Variants in VCAN observed in about 807,000 individuals in gnomAD.
The protein encoded by VCAN is versican core protein.
Under a neutral mutation model 245.5 loss-of-function variants are expected in VCAN, and 44 were observed. The ratio of observed to expected loss-of-function variants is 0.18; its 90% CI spans 0.14 to 0.23. The LOEUF (loss-of-function observed/expected upper bound fraction) is 0.23. Among genes scored for constraint, VCAN ranks in the 10% least tolerant of loss-of-function variants. The probability of loss-of-function intolerance (pLI) is 1.00; values close to 1 mark genes in which losing one functional copy is unlikely to be tolerated. For missense variants in VCAN, 3,793 were observed against 4,057.9 expected (o/e 0.93, Z 1.77); for synonymous variants, 1,413 against 1,437.0 (o/e 0.98, Z 0.38).
chr5:83,500,123 T>C (rs541236701), intron 5 of VCAN, among the ~76,000 whole-genome samples: 2 of 152,190 alleles, frequency 1.3e-5, no homozygotes, highest in African/African-American at 4.8e-5. Flanking sequence ...TGAAGGTTAT[T>C]TAAGAATTAG....
In VCAN at chr5:83,548,920, T is replaced by G. The variant is rs114332017; in HGVS notation, c.9493+836T>G. ...GGTGTTAATCTGGATGTCACTGCGATGAATGCAAATCCAAAAGGAGCATGT... is the reference window on the plus strand; with the variant it reads ...GGTGTTAATCTGGATGTCACTGCGAGGAATGCAAATCCAAAAGGAGCATGT... On this transcript the variant is annotated intron_variant, in intron 10 of 14. Transcript: ENST00000265077. Among the ~76,000 whole-genome samples, 905 of 152,340 alleles carry G rather than the reference T, an allele frequency of 5.9e-3. 12 individuals are homozygous for G. The highest frequency in any genetic ancestry group is 0.021 in the African/African-American group (870 of 41,588).
At position 83,537,044 on chromosome 5, in the gene VCAN, A is replaced by G; in HGVS notation, c.4041A>G (p.Ile1347Met). Residue 1347 changes from isoleucine (I) to methionine (M), a missense_variant, in exon 8 of 15, where the codon ATA becomes ATG. This residue lies in a region of VCAN where 3,182 missense variants were observed against 3,250.3 expected (regional missense o/e 0.98). Coordinates refer to ENST00000265077, the MANE Select transcript of VCAN (RefSeq NM_004385.5). ...MSDLSVIGHP[I>M]DSESKEDEPC... The stretch of plus-strand genomic sequence containing the variant: ...ATTTGAGTGTAATTGGTCATCCAAT[A>G]GATTCAGAATCTAAAGAAGATGAAC... 4 of 1,609,134 alleles carry G rather than the reference A, an allele frequency of 2.5e-6. No individual in the cohort carries two copies. Among genetic ancestry groups the G allele is most frequent in the Non-Finnish European group, 3.4e-6 (4 of 1,177,932 alleles).
chr5:83,577,185 C>A (rs1263573684), intron 13 of VCAN, among the ~76,000 whole-genome samples: 1 of 152,042 alleles, frequency 6.6e-6, no homozygotes, highest in African/African-American at 2.4e-5. Flanking sequence ...TGGGGGAGGT[C>A]TTATGATTCA....
chr5:83,486,197 TG>T (rs1445111252), intron 2 of VCAN, among the ~76,000 whole-genome samples: 1 of 152,214 alleles, frequency 6.6e-6, no homozygotes, highest in African/African-American at 2.4e-5. Context: ...CCTGTGCTGT[TG>T]CAGATATAAT....
chr5:83,520,275 C>G lies in VCAN; in HGVS notation c.1969C>G (p.Pro657Ala). 1 of 1,613,942 alleles carries G rather than the reference C, an allele frequency of 6.2e-7. No homozygotes were observed. The highest frequency in any genetic ancestry group is 2.2e-5 in the East Asian group (1 of 44,864). Reference protein sequence around the residue: ...SQHRTEIELFPYSGDKILVEG... With the variant: ...SQHRTEIELFAYSGDKILVEG... ...GCATCGTACAGAAATAGAATTGTTTCCTTATTCTGGTGATAAAATATTAGT... is the reference window on the plus strand; with the variant it reads ...GCATCGTACAGAAATAGAATTGTTTGCTTATTCTGGTGATAAAATATTAGT... Residue 657 changes from proline to alanine, a missense_variant, in exon 7 of 15, where the codon CCT becomes GCT. Coordinates refer to ENST00000265077, the MANE Select transcript of VCAN (RefSeq NM_004385.5).
At chr5:83,498,851 C>T (rs1424606799) in intron 5 of VCAN, among the ~76,000 whole-genome samples, 1 of 152,164 alleles carries the variant, frequency 6.6e-6, no homozygotes, top group Non-Finnish European at 1.5e-5. Context: ...AACAGTTAAA[C>T]ACCATTGCCA....
chr5:83,541,036 G>A lies in VCAN; in HGVS notation c.8033G>A (p.Ser2678Asn). The change falls in exon 8 of 15, where the codon AGC becomes AAC. Residue 2678 changes from serine (S) to asparagine (N), a missense_variant. By Grantham distance (46) the Ser-to-Asn change is conservative. Transcript: ENST00000265077. ...FHFTTGIPAPSTETELDVLLP... is the reference protein window; with the variant it reads ...FHFTTGIPAPNTETELDVLLP... ...TTCACAACTGGGATCCCTGCTCCTA[G>A]CACAGAAACAGAATTAGACGTTTTA... The A allele has an allele frequency of 1.2e-6, 2 of 1,613,934 alleles. No individual in the cohort carries two copies. The highest frequency in any genetic ancestry group is 1.1e-5 in the South Asian group (1 of 91,070).
chr5:83,554,486 C>G (rs371607710), intron 11 of VCAN, among the ~76,000 whole-genome samples: 1 of 152,226 alleles, frequency 6.6e-6, no homozygotes, highest in South Asian at 2.1e-4. Context: ...ACTGTCTAAT[C>G]TAGGTGTTCA....
Position 83,539,231 on chromosome 5 carries a change from G to A in VCAN, c.6228G>A (p.Glu2076=). 1 of 1,614,024 alleles carries A rather than the reference G, an allele frequency of 6.2e-7. No homozygotes were observed. The highest frequency in any genetic ancestry group is 8.5e-7 in the Non-Finnish European group (1 of 1,179,984). ...GTACGAAAGCTCCAGTAGAGAAGGA[G>A]GAAGTAAAGGTCAGTGGCACAGTTT... ...VEGTKAPVEK[E]EVKVSGTVST... The change falls in exon 8 of 15, where the codon GAG becomes GAA. Residue 2076 remains glutamate (E), a synonymous_variant. Coordinates refer to ENST00000265077, the MANE Select transcript of VCAN (RefSeq NM_004385.5).
Position 83,539,245 on chromosome 5 carries a change from G to C in VCAN, c.6242G>C (p.Ser2081Thr), listed in dbSNP as rs752088160. ...APVEKEEVKVSGTVSTNFPQT... is the reference protein window; with the variant it reads ...APVEKEEVKVTGTVSTNFPQT... ...GTAGAGAAGGAGGAAGTAAAGGTCA[G>C]TGGCACAGTTTCAACAAACTTTCCC... The change falls in exon 8 of 15, where the codon AGT becomes ACT. Residue 2081 changes from serine (S) to threonine (T), a missense_variant. Physicochemically the swap from Ser to Thr is moderately conservative, Grantham distance 58 (BLOSUM62 1). This residue lies in a region of VCAN where 3,182 missense variants were observed against 3,250.3 expected (regional missense o/e 0.98). Transcript: ENST00000265077. The C allele has an allele frequency of 3.1e-6, 5 of 1,614,052 alleles. No individual in the cohort carries two copies. Among genetic ancestry groups the C allele is most frequent in the Non-Finnish European group, 3.4e-6 (4 of 1,179,972 alleles).
chr5:83,556,075 C>T (rs1004570701), intron 12 of VCAN, among the ~76,000 whole-genome samples: 1 of 152,192 alleles, frequency 6.6e-6, no homozygotes, highest in Admixed American at 6.5e-5. Context: ...AAGTTCTGCT[C>T]TGTCTTAAGA....
intron 1 of VCAN, among the ~76,000 whole-genome samples, chr5:83,477,403 GAATTATTCAATAA>G (rs1744428941): frequency 6.6e-6 from 1 of 152,094 alleles, no homozygotes; most frequent in South Asian, 2.1e-4. Context: ...TGGAAAGGAA[GAATTATTCAATAA>G]ATGGTTTCAG....
chr5:83,511,958 T>C (rs1458330070), intron 5 of VCAN, 145 bp from the exon 6 acceptor site: 20 of 975,750 alleles, frequency 2.0e-5, no homozygotes, highest in African/African-American at 3.3e-5. Flanking sequence ...CACCATTATC[T>C]TTTCTGCTTT....
In VCAN at chr5:83,539,548, C is replaced by T. The variant is rs2112445115; in HGVS notation, c.6545C>T (p.Thr2182Ile). 1.2e-6 allele frequency: 2 copies of T among 1,614,072 alleles called. No individual in the cohort carries two copies. The highest frequency in any genetic ancestry group is 4.5e-5 in the East Asian group (2 of 44,850). The stretch of plus-strand genomic sequence containing the variant: ...GACACTTCTTTAGTTAACATGTCTA[C>T]TCCAGATCCAGATGCAAATGGCTTG... ...EEDTSLVNMS[T>I]PDPDANGLES... Residue 2182 changes from threonine (T) to isoleucine (I), a missense_variant, in exon 8 of 15, where the codon ACT (threonine) becomes ATT (isoleucine). Transcript: ENST00000265077.
rs1335525495 is a variant in VCAN, at chr5:83,545,466, T to G, written c.9266-71T>G. 37 of 1,307,372 alleles carry G rather than the reference T, an allele frequency of 2.8e-5. No homozygotes were observed. In the Admixed American group the frequency reaches 6.0e-4, roughly 21 times the overall value. The allele number at this position is 1,307,372 out of a possible 1,614,324, so 81.0% of individuals were successfully genotyped here. A position where few individuals can be genotyped will look rare whatever the true frequency, so the allele number is the denominator to read the frequency against. On this transcript the variant is annotated intron_variant, in intron 8 of 14. Coordinates refer to ENST00000265077, the MANE Select transcript of VCAN (RefSeq NM_004385.5). ...TATAATATGGTAGCAATATGGGGCG[T>G]TTTATGCTAAAATACACGCAAACAT...
At chr5:83,565,033 G>A (rs1250116055) in intron 12 of VCAN, among the ~76,000 whole-genome samples, 1 of 152,146 alleles carries the variant, frequency 6.6e-6, no homozygotes, top group African/African-American at 2.4e-5. Context: ...GAGAGAGTTG[G>A]AAAGTAGGCC....
chr5:83,531,741 AG>A (rs1746529556), intron 7 of VCAN, among the ~76,000 whole-genome samples: 1 of 152,182 alleles, frequency 6.6e-6, no homozygotes, highest in Non-Finnish European at 1.5e-5. Context: ...GTCTGGTAAC[AG>A]TATGACTGGA....
chr5:83,523,196 G>T (rs534411297), intron 7 of VCAN, among the ~76,000 whole-genome samples: 1 of 152,124 alleles, frequency 6.6e-6, no homozygotes, highest in East Asian at 1.9e-4. Context: ...GTCTAAAGGT[G>T]AGCCCACACC....
chr5:83,538,974 A>G lies in VCAN; in HGVS notation c.5971A>G (p.Ser1991Gly), dbSNP rs755677118. ...SHISDSEGPS[S>G]TMVSTSAFPW... ...CATATCTGACTCAGAAGGACCCAGTAGCACCATGGTCAGCACTTCAGCCTT... is the reference window on the plus strand; with the variant it reads ...CATATCTGACTCAGAAGGACCCAGTGGCACCATGGTCAGCACTTCAGCCTT... Residue 1991 changes from serine to glycine, a missense_variant, in exon 8 of 15, where the codon AGC (serine) becomes GGC (glycine). By Grantham distance (56) the Ser-to-Gly change is moderately conservative. Coordinates refer to ENST00000265077, the MANE Select transcript of VCAN (RefSeq NM_004385.5). 4 of 1,614,000 alleles carry G rather than the reference A, an allele frequency of 2.5e-6. No individual in the cohort carries two copies. In the Admixed American group the frequency reaches 6.7e-5, roughly 27 times the overall value.
Sources: allele counts gnomAD v4.1 joint callset (sites outside exome capture counted in the v4.1 genomes callset), GRCh38; gene constraint gnomAD v4.1.1; regional missense constraint gnomAD v4.1.1; transcripts MANE v1.5; gene names NCBI Gene and HGNC (gene_info 2026-07-23, HGNC 2026-07-21).